OR6N1: variants seen among roughly 807,000 people sequenced by gnomAD.
The protein encoded by OR6N1 is olfactory receptor 6N1.
For synonymous variants in OR6N1, 170 were observed against 150.7 expected, an observed-to-expected ratio of 1.13 and a Z score of -0.94; for missense variants, 394 against 371.7, an observed-to-expected ratio of 1.06 and a Z score of -0.49.
upstream of OR6N1, chr1:158,776,629 C>T (rs766800402): frequency 4.2e-5 from 45 of 1,062,740 alleles, no homozygotes; most frequent in Non-Finnish European, 6.1e-5. Context: ...GAAGATTACT[C>T]AAGGAACTTT....
upstream of OR6N1, chr1:158,775,509 T>C (rs1657569739): frequency 6.6e-6 from 1 of 152,218 alleles, no homozygotes; most frequent in Admixed American, 6.5e-5. Context: ...AATTTTATCT[T>C]AAGGGCAATT....
At chr1:158,794,456 C>G in the OR6N1 span, among the ~76,000 whole-genome samples, 1 of 152,278 alleles carries the variant, frequency 6.6e-6, no homozygotes, top group African/African-American at 2.4e-5. Flanking sequence ...ACTACGAATC[C>G]TGCTGCTCCT....
the OR6N1 span, among the ~76,000 whole-genome samples, chr1:158,826,734 C>A: frequency 6.6e-6 from 1 of 151,846 alleles, no homozygotes. Flanking sequence ...ATGTGGACAG[C>A]AGAGTAGAAA....
chr1:158,807,087 C>A, the OR6N1 span, among the ~76,000 whole-genome samples: 1 of 151,236 alleles, frequency 6.6e-6, no homozygotes, highest in Non-Finnish European at 1.5e-5. Context: ...TCATTCATTG[C>A]CAGCCTTTCA....
intron 1 of OR6N1, among the ~76,000 whole-genome samples, chr1:158,768,804 C>T (rs1014635455): frequency 2.6e-5 from 4 of 152,192 alleles, no homozygotes; most frequent in African/African-American, 7.2e-5. Flanking sequence ...TCCATCCTTA[C>T]ATCCATATTC....
chr1:158,788,755 C>T, the OR6N1 span, among the ~76,000 whole-genome samples: 1 of 152,042 alleles, frequency 6.6e-6, no homozygotes, highest in Non-Finnish European at 1.5e-5. Flanking sequence ...AACACTAGGT[C>T]TTATTTATTG....
chr1:158,832,696 T>A, the OR6N1 span, among the ~76,000 whole-genome samples: 5 of 151,870 alleles, frequency 3.3e-5, no homozygotes, highest in Admixed American at 6.6e-5. Context: ...CTTAAGCCTA[T>A]TTTAAGCTAC....
the OR6N1 span, among the ~76,000 whole-genome samples, chr1:158,818,415 C>T: frequency 1.3e-5 from 2 of 152,168 alleles, no homozygotes; most frequent in Non-Finnish European, 2.9e-5. Context: ...TGTCACTTCA[C>T]CTGATCTTAA....
the OR6N1 span, among the ~76,000 whole-genome samples, chr1:158,830,778 A>G: frequency 6.6e-6 from 1 of 152,348 alleles, no homozygotes; most frequent in Non-Finnish European, 1.5e-5. Context: ...TATTATACTC[A>G]AGAGAGCAAC....
the OR6N1 span, among the ~76,000 whole-genome samples, chr1:158,825,232 G>A: frequency 6.6e-6 from 1 of 152,126 alleles, no homozygotes; most frequent in Admixed American, 6.5e-5. Context: ...GAGGCCAGGA[G>A]ATCGAGACCA....
chr1:158,768,265 T>A (rs551673127), intron 1 of OR6N1, among the ~76,000 whole-genome samples: 1 of 152,164 alleles, frequency 6.6e-6, no homozygotes, highest in African/African-American at 2.4e-5. Context: ...TCAGGCGATA[T>A]TTTTCTCTGC....
chr1:158,829,601 A>C, the OR6N1 span, among the ~76,000 whole-genome samples: 1 of 152,132 alleles, frequency 6.6e-6, no homozygotes, highest in East Asian at 1.9e-4. Context: ...AGTTCCAAAC[A>C]TTCCCACATT....
chr1:158,779,828 T>G, the OR6N1 span, among the ~76,000 whole-genome samples: 2 of 152,218 alleles, frequency 1.3e-5, no homozygotes, highest in Admixed American at 6.5e-5. Flanking sequence ...AAGAATTATT[T>G]ATTCATTTTC....
the OR6N1 span, among the ~76,000 whole-genome samples, chr1:158,818,859 T>C: frequency 6.6e-6 from 1 of 152,320 alleles, no homozygotes; most frequent in East Asian, 1.9e-4. Context: ...ATGGCCTATT[T>C]GGAGGACATG....
chr1:158,830,450 T>C, the OR6N1 span, among the ~76,000 whole-genome samples: 1 of 152,220 alleles, frequency 6.6e-6, no homozygotes, highest in Non-Finnish European at 1.5e-5. Flanking sequence ...TTTTCCCCTA[T>C]TAGCTGTTTT....
the OR6N1 span, chr1:158,831,473 A>G: frequency 1.3e-5 from 2 of 152,194 alleles, no homozygotes; most frequent in African/African-American, 4.8e-5. Context: ...AATCTCTCCA[A>G]AGCTTTACGG....
At chr1:158,832,310 C>T in the OR6N1 span, among the ~76,000 whole-genome samples, 3 of 151,826 alleles carry the variant, frequency 2.0e-5, no homozygotes, top group East Asian at 5.8e-4. Context: ...ACGTTGGATT[C>T]CAAATTCTAT....
the OR6N1 span, among the ~76,000 whole-genome samples, chr1:158,803,135 A>G: frequency 6.6e-6 from 1 of 152,252 alleles, no homozygotes; most frequent in Non-Finnish European, 1.5e-5. Flanking sequence ...CAAGTAAATC[A>G]TATTAAACGG....
At chr1:158,803,713 C>G in the OR6N1 span, among the ~76,000 whole-genome samples, 1 of 152,210 alleles carries the variant, frequency 6.6e-6, no homozygotes, top group Non-Finnish European at 1.5e-5. Flanking sequence ...CCTCAGAAGG[C>G]TATCAACATG....
Sources: gnomAD v4.1 joint callset for allele counts (sites outside exome capture counted in the v4.1 genomes callset) on GRCh38, gnomAD v4.1.1 for gene constraint, MANE v1.5 for transcripts, NCBI Gene and HGNC (gene_info 2026-07-23, HGNC 2026-07-21) for gene names.